Variants in RANBP2 observed in about 807,000 individuals in gnomAD.
RANBP2 encodes E3 SUMO-protein ligase RanBP2.
Under a neutral mutation model 303.6 loss-of-function variants are expected in RANBP2, and 57 were observed. That is an observed-to-expected ratio of 0.19 (90% CI 0.15 to 0.23). The LOEUF (loss-of-function observed/expected upper bound fraction) is 0.23, where lower values mean the gene tolerates loss of function less well. RANBP2 is among the 10% of genes least tolerant of loss of function. The pLI, the probability that RANBP2 is intolerant of heterozygous loss-of-function variation, is 1.00. For synonymous variants in RANBP2, 1,167 were observed against 1,301.5 expected, an observed-to-expected ratio of 0.90 and a Z score of 2.23; for missense variants, 3,138 against 3,780.8, an observed-to-expected ratio of 0.83 and a Z score of 4.46.
At chr2:108,971,939 T>C in the RANBP2 span, among the ~76,000 whole-genome samples, 1 of 152,322 alleles carries the variant, frequency 6.6e-6, no homozygotes, top group South Asian at 2.1e-4. Context: ...CTCAGTCACA[T>C]AGGGGCAACA....
the RANBP2 span, among the ~76,000 whole-genome samples, chr2:109,066,477 CCCA>C: frequency 5.9e-5 from 9 of 152,168 alleles, no homozygotes; most frequent in African/African-American, 2.2e-4. Flanking sequence ...TAACTGTTCC[CCCA>C]CCAACTTGTC....
At chr2:109,128,610 T>C in the RANBP2 span, 1 of 154,112 alleles carries the variant, frequency 6.5e-6, no homozygotes, top group Non-Finnish European at 1.4e-5. Flanking sequence ...TTCTGCGCGC[T>C]TCTCGGAAAG....
chr2:109,193,165 C>A, the RANBP2 span, among the ~76,000 whole-genome samples: 1 of 152,230 alleles, frequency 6.6e-6, no homozygotes, highest in Non-Finnish European at 1.5e-5. Flanking sequence ...AGAGGTCTCA[C>A]ATTTTAAGAG....
chr2:108,758,452 G>A lies in RANBP2; in HGVS notation c.2506G>A (p.Ala836Thr). The change falls in exon 18 of 29, where the codon GCA becomes ACA. Residue 836 changes from alanine (A) to threonine (T), a missense_variant. Ala to Thr is a moderately conservative substitution (Grantham distance 58). This residue lies in a region of RANBP2 where 194 missense variants were observed against 197.4 expected (regional missense o/e 0.98). Coordinates refer to ENST00000283195, the MANE Select transcript of RANBP2 (RefSeq NM_006267.5). ...GTTGAAACTAAATAGCAGTAACTCA[G>A]CATCCCCTCATCGTTGGCCCACAGA... Reference protein sequence around the residue: ...QELKLNSSNSASPHRWPTENY... With the variant: ...QELKLNSSNSTSPHRWPTENY... The A allele has an allele frequency of 6.2e-7, 1 of 1,611,440 alleles. No individual in the cohort carries two copies. The highest frequency in any genetic ancestry group is 8.5e-7 in the Non-Finnish European group (1 of 1,179,808).
the RANBP2 span, among the ~76,000 whole-genome samples, chr2:109,581,668 T>C: frequency 6.6e-6 from 1 of 152,152 alleles, no homozygotes. Context: ...TACTGCTTCA[T>C]TAATTGATAG....
At chr2:108,956,252 T>C in the RANBP2 span, among the ~76,000 whole-genome samples, 1 of 152,224 alleles carries the variant, frequency 6.6e-6, no homozygotes, top group Non-Finnish European at 1.5e-5. Context: ...ACAGTTGCAA[T>C]GAACATCTTT....
chr2:108,856,357 C>T, the RANBP2 span, among the ~76,000 whole-genome samples: 1 of 152,080 alleles, frequency 6.6e-6, no homozygotes, highest in Non-Finnish European at 1.5e-5. Context: ...CCATTTAGCA[C>T]GTTTGTATAA....
Position 108,726,779 on chromosome 2 carries a change from A to C in RANBP2, c.73-2353A>C, listed in dbSNP as rs1315260692. Reference sequence around the variant, plus strand: ...GGTTTTCCTAGGCAGAGGACCCTGCAGCCTTCCGCAGTGTTTGTGTCCCTG... The same window carrying C: ...GGTTTTCCTAGGCAGAGGACCCTGCCGCCTTCCGCAGTGTTTGTGTCCCTG... On this transcript the variant is annotated intron_variant, in intron 1 of 28. Coordinates refer to ENST00000283195, the MANE Select transcript of RANBP2 (RefSeq NM_006267.5). 2.6e-5 allele frequency among the ~76,000 whole-genome samples: 4 copies of C among 152,136 alleles called. No homozygotes were observed. The East Asian group carries it at 5.8e-4, about 22-fold the overall frequency.
At chr2:108,811,247 C>CTCTTTTTTTTT in the RANBP2 span, among the ~76,000 whole-genome samples, 125 of 113,770 alleles carry the variant, frequency 1.1e-3, 5 homozygotes, top group South Asian at 2.7e-3. Flanking sequence ...TTCTCTCTCT[C>CTCTTTTTTTTT]TTTTTTTTTT....
At chr2:109,270,661 G>T in the RANBP2 span, among the ~76,000 whole-genome samples, 2 of 152,190 alleles carry the variant, frequency 1.3e-5, no homozygotes, top group Non-Finnish European at 2.9e-5. Context: ...TATGACATAG[G>T]TGTCTTGGCC....
the RANBP2 span, among the ~76,000 whole-genome samples, chr2:109,715,678 C>T: frequency 3.3e-5 from 5 of 152,050 alleles, no homozygotes; most frequent in Non-Finnish European, 7.4e-5. Flanking sequence ...AGATCACTGG[C>T]CATTGGGGGT....
chr2:109,634,148 A>G, the RANBP2 span, among the ~76,000 whole-genome samples: 7 of 120,268 alleles, frequency 5.8e-5, no homozygotes, highest in African/African-American at 2.2e-4. Flanking sequence ...AAAAAAAAAG[A>G]AAAGAAAAAG....
chr2:108,871,130 TAG>T, the RANBP2 span, among the ~76,000 whole-genome samples: 2 of 152,024 alleles, frequency 1.3e-5, 1 homozygote, highest in South Asian at 4.1e-4. Context: ...GATGAATGGA[TAG>T]ATAGAAGGAA....
chr2:109,222,203 G>A, the RANBP2 span, among the ~76,000 whole-genome samples: 2 of 152,188 alleles, frequency 1.3e-5, no homozygotes, highest in Non-Finnish European at 2.9e-5. Context: ...AGGATGTGTT[G>A]GTGGTAGGGA....
the RANBP2 span, among the ~76,000 whole-genome samples, chr2:109,534,561 C>G: frequency 6.6e-6 from 1 of 152,160 alleles, no homozygotes; most frequent in East Asian, 1.9e-4. Context: ...GAGTGGATCA[C>G]TTGAGGTTAG....
the RANBP2 span, chr2:109,667,332 A>T: frequency 1.8e-6 from 1 of 563,726 alleles, no homozygotes; most frequent in Non-Finnish European, 3.3e-6. Context: ...AGAGAGGAAA[A>T]TAACACTCTT....
In RANBP2 at chr2:108,767,583, A is replaced by G. The variant is rs747041477; in HGVS notation, c.7044A>G (p.Gln2348=). ...KLYRYDKDVG[Q]WKERGIGDIK... Reference sequence around the variant, plus strand: ...ACAGATATGATAAAGATGTTGGTCAATGGAAAGAAAGGGGCATTGGTGATA... The same window carrying G: ...ACAGATATGATAAAGATGTTGGTCAGTGGAAAGAAAGGGGCATTGGTGATA... Residue 2348 remains glutamine (Q), a synonymous_variant, in exon 20 of 29, where the codon CAA becomes CAG. Coordinates refer to ENST00000283195, the MANE Select transcript of RANBP2 (RefSeq NM_006267.5). The G allele has an allele frequency of 2.3e-5, 37 of 1,612,004 alleles. No individual in the cohort carries two copies. The highest frequency in any genetic ancestry group is 2.0e-4 in the East Asian group (9 of 44,886).
chr2:109,274,921 G>A, the RANBP2 span, among the ~76,000 whole-genome samples: 1 of 151,636 alleles, frequency 6.6e-6, no homozygotes, highest in Non-Finnish European at 1.5e-5. Flanking sequence ...CATTGTGAAT[G>A]TAGTAAATGC....
At chr2:109,347,410 G>T in the RANBP2 span, among the ~76,000 whole-genome samples, 3,938 of 152,118 alleles carry the variant, frequency 0.026, 158 homozygotes, top group African/African-American at 0.088. Context: ...CACAGAATGA[G>T]GTTGTCTGTG....
Sources: gnomAD v4.1 joint callset for allele counts (sites outside exome capture counted in the v4.1 genomes callset) on GRCh38, gnomAD v4.1.1 for gene constraint, gnomAD v4.1.1 regional missense constraint, MANE v1.5 for transcripts, NCBI Gene and HGNC (gene_info 2026-07-23, HGNC 2026-07-21) for gene names.